The following NCS1 variants were observed in gnomAD, a reference collection of about 807,000 sequenced individuals.
NCS1 encodes the protein neuronal calcium sensor 1.
NCS1 carries 6 observed loss-of-function variants against 28.4 expected under a neutral mutation model. The ratio of observed to expected loss-of-function variants is 0.21; its 90% CI spans 0.12 to 0.42. NCS1 has a LOEUF of 0.42. Among genes scored for constraint, NCS1 ranks in the 10% least tolerant of loss-of-function variants. NCS1 has a pLI of 1.00. For missense variants in NCS1, 131 were observed against 241.4 expected (o/e 0.54, Z 3.03); for synonymous variants, 86 against 99.3 (o/e 0.87, Z 0.79).
In NCS1 at chr9:130,200,943, T is replaced by C. The variant is rs368847542; in HGVS notation, c.65-15T>C. 1.2e-6 allele frequency: 2 copies of C among 1,614,116 alleles called. No homozygotes were observed. Among genetic ancestry groups the C allele is most frequent in the African/African-American group, 1.3e-5 (1 of 74,944 alleles). On this transcript the variant is annotated splice_polypyrimidine_tract_variant and intron_variant, in intron 1 of 7. Coordinates refer to ENST00000372398, the MANE Select transcript of NCS1 (RefSeq NM_014286.4). ...TCCCTGAGCTAAAAGCCTACTTTTCTGCTTTCTCTTGCAGTTACCGAGAAG... is the reference window on the plus strand; with the variant it reads ...TCCCTGAGCTAAAAGCCTACTTTTCCGCTTTCTCTTGCAGTTACCGAGAAG...
intron 2 of NCS1, among the ~76,000 whole-genome samples, chr9:130,210,855 T>G (rs1276310283): frequency 6.6e-6 from 1 of 151,452 alleles, no homozygotes; most frequent in Non-Finnish European, 1.5e-5. Flanking sequence ...TTTTTTTTTT[T>G]TGAGACAGGG....
chr9:130,179,995 TTATCTATCTATCTATC>T (rs56120429), intron 1 of NCS1, among the ~76,000 whole-genome samples: 6,055 of 145,190 alleles, frequency 0.042, 171 homozygotes, highest in South Asian at 0.099. Context: ...TGCCTTCTTT[TTATCTATCTATCTATC>T]TATCTATCTA....
rs187102427 is a variant in NCS1 at position 130,221,806 on chromosome 9, T to C, written c.308-844T>C. On this transcript the variant is annotated intron_variant, in intron 4 of 7. Transcript: ENST00000372398. ...TAAATTATGTATATATAAATATATATACATAAATATAAATTATGTATATAT... is the reference window on the plus strand; with the variant it reads ...TAAATTATGTATATATAAATATATACACATAAATATAAATTATGTATATAT... Among the ~76,000 whole-genome samples, 1,101 of 119,852 alleles carry C rather than the reference T, an allele frequency of 9.2e-3. 24 individuals are homozygous for C. Among genetic ancestry groups the C allele is most frequent in the African/African-American group, 0.035 (1,016 of 28,694 alleles). The allele number at this position is 119,852 out of a possible 152,430, so 78.6% of individuals were successfully genotyped here.
Position 130,219,967 on chromosome 9 carries a change from G to A in NCS1, c.307+164G>A, listed in dbSNP as rs1345546552. 1.3e-5 allele frequency among the ~76,000 whole-genome samples: 2 copies of A among 152,252 alleles called. No individual in the cohort carries two copies. Among genetic ancestry groups the A allele is most frequent in the African/African-American group, 2.4e-5 (1 of 41,466 alleles). ...GAGGGCAGGCCTGGGCCCTGGGCAG[G>A]TGGCCCTCACACGGCCACGTAACTA... On this transcript the variant is annotated intron_variant, in intron 4 of 7. Transcript: ENST00000372398. The surrounding 1 kb of genome is among the most constrained non-coding windows in gnomAD (Gnocchi z 5.7).
Position 130,172,487 on chromosome 9 carries a change from C to G in NCS1, c.-177C>G, listed in dbSNP as rs1256910353. 1 of 148,268 alleles carries G rather than the reference C, an allele frequency of 6.7e-6. No individual in the cohort carries two copies. Among genetic ancestry groups the G allele is most frequent in the Non-Finnish European group, 1.5e-5 (1 of 68,728 alleles). 9.2% of individuals were successfully genotyped at this position (148,268 alleles called of 1,614,324 possible). On this transcript the variant is annotated 5_prime_UTR_variant, in exon 1 of 8. Transcript: ENST00000372398. Reference sequence around the variant, plus strand: ...CCCGCGCCGCGGCGCCCGGACCGCCCGGGCCTGCCCAGCGGCCGCCCCACG... The same window carrying G: ...CCCGCGCCGCGGCGCCCGGACCGCCGGGGCCTGCCCAGCGGCCGCCCCACG...
chr9:130,186,064 GGGA>G lies in NCS1; in HGVS notation c.64+13340_64+13342del, dbSNP rs1298543783. ...GAGGCATGGCCAGCAGGGAGCAGAG[GGGA>G]GGCCCTGGGTCCTGTGGGGGGCATG... is the stretch of plus-strand genomic sequence containing the variant. On this transcript the variant is annotated intron_variant, in intron 1 of 7. Coordinates refer to ENST00000372398, the MANE Select transcript of NCS1 (RefSeq NM_014286.4). This position sits in a 1 kb window ranked among gnomAD's most constrained non-coding sequence, Gnocchi z 4.1. Among the ~76,000 whole-genome samples the G allele has an allele frequency of 4.6e-5, 7 of 152,232 alleles. No individual in the cohort carries two copies. Among genetic ancestry groups the G allele is most frequent in the African/African-American group, 1.7e-4 (7 of 41,476 alleles).
intron 1 of NCS1, among the ~76,000 whole-genome samples, chr9:130,173,080 G>T (rs2131109195): frequency 6.6e-6 from 1 of 152,132 alleles, no homozygotes; most frequent in African/African-American, 2.4e-5. Context: ...GGGAGGGGGC[G>T]CCCGGCTGCG....
At chr9:130,225,180 A>G (rs1833394282) in intron 6 of NCS1, among the ~76,000 whole-genome samples, 1 of 152,250 alleles carries the variant, frequency 6.6e-6, no homozygotes, top group African/African-American at 2.4e-5. Context: ...TGACAGAGTG[A>G]GACCCTGTCT....
intron 6 of NCS1, among the ~76,000 whole-genome samples, chr9:130,223,461 G>A (rs182350495): frequency 1.3e-4 from 20 of 151,928 alleles, no homozygotes; most frequent in African/African-American, 3.9e-4. Flanking sequence ...GGCTTTAAGC[G>A]CATAAAATAA....
rs1308679335 is a variant in NCS1, at chr9:130,192,417, T to A, written c.65-8541T>A. On this transcript the variant is annotated intron_variant, in intron 1 of 7. Coordinates refer to ENST00000372398, the MANE Select transcript of NCS1 (RefSeq NM_014286.4). This position sits in a 1 kb window ranked among gnomAD's most constrained non-coding sequence, Gnocchi z 4.8. The stretch of plus-strand genomic sequence containing the variant: ...CACCTTCCTGTCCTCACTCCAGCCC[T>A]CTCGGGGGCTGCTCTTCCTGGACAC... Among the ~76,000 whole-genome samples, 1 of 151,858 alleles carries A rather than the reference T, an allele frequency of 6.6e-6. No homozygotes were observed. Among genetic ancestry groups the A allele is most frequent in the Non-Finnish European group, 1.5e-5 (1 of 67,938 alleles).
Position 130,177,672 on chromosome 9 carries a change from G to A in NCS1, c.64+4945G>A, listed in dbSNP as rs1451212685. On this transcript the variant is annotated intron_variant, in intron 1 of 7. Coordinates refer to ENST00000372398, the MANE Select transcript of NCS1 (RefSeq NM_014286.4). The surrounding 1 kb of genome is among the most constrained non-coding windows in gnomAD (Gnocchi z 4.4). Reference sequence around the variant, plus strand: ...TCGATCCCCTGCGGTGCGGGGCTGGGTCCTCACTCGGCCTTGGTGACCTTG... The same window carrying A: ...TCGATCCCCTGCGGTGCGGGGCTGGATCCTCACTCGGCCTTGGTGACCTTG... Among the ~76,000 whole-genome samples the A allele has an allele frequency of 6.6e-6, 1 of 152,246 alleles. No homozygotes were observed. Among genetic ancestry groups the A allele is most frequent in the Non-Finnish European group, 1.5e-5 (1 of 68,052 alleles).
At chr9:130,179,020 C>T (rs1171889505) in intron 1 of NCS1, among the ~76,000 whole-genome samples, 3 of 149,148 alleles carry the variant, frequency 2.0e-5, no homozygotes, top group Non-Finnish European at 4.5e-5. Flanking sequence ...CTGCAATCTC[C>T]ACCTCCCGGG....
chr9:130,231,700 G>T (rs571886564), intron 7 of NCS1, among the ~76,000 whole-genome samples: 2 of 152,052 alleles, frequency 1.3e-5, no homozygotes, highest in South Asian at 4.2e-4. Flanking sequence ...TGGATTTTTG[G>T]TTCTTTGGGT....
chr9:130,220,469 A>AGAGCTGGGGATGAGAG (rs577952322), intron 4 of NCS1, among the ~76,000 whole-genome samples: 10 of 152,166 alleles, frequency 6.6e-5, no homozygotes, highest in Middle Eastern at 3.4e-3. Context: ...TGGTAGGCGC[A>AGAGCTGGGGATGAGAG]GAGCTGGGGA....
At position 130,172,678 on chromosome 9, in the gene NCS1, C is replaced by G; in HGVS notation, c.15C>G (p.Asn5Lys). 2 of 1,504,156 alleles carry G rather than the reference C, an allele frequency of 1.3e-6. No individual in the cohort carries two copies. The highest frequency in any genetic ancestry group is 1.8e-6 in the Non-Finnish European group (2 of 1,120,276). 93.2% of individuals were successfully genotyped at this position (1,504,156 alleles called of 1,614,324 possible). A position where few individuals can be genotyped will look rare whatever the true frequency, so the allele number is the denominator to read the frequency against. The stretch of plus-strand genomic sequence containing the variant: ...GGCCGCCGAGGATGGGGAAATCCAA[C>G]AGCAAGTTGAAGCCCGAAGTTGTGG... Reference protein sequence around the residue: MGKSNSKLKPEVVEE... With the variant: MGKSKSKLKPEVVEE... Residue 5 changes from asparagine to lysine, a missense_variant, in exon 1 of 8, where the codon AAC (asparagine) becomes AAG (lysine). Asn to Lys is a moderately conservative substitution (Grantham distance 94). Coordinates refer to ENST00000372398, the MANE Select transcript of NCS1 (RefSeq NM_014286.4).
At chr9:130,179,381 A>G (rs1554904954) in intron 1 of NCS1, among the ~76,000 whole-genome samples, 1 of 152,194 alleles carries the variant, frequency 6.6e-6, no homozygotes, top group African/African-American at 2.4e-5. Flanking sequence ...TGGACAGAAC[A>G]TATTTTATTT....
At chr9:130,198,556 G>C (rs1316149211) in intron 1 of NCS1, among the ~76,000 whole-genome samples, 2 of 152,188 alleles carry the variant, frequency 1.3e-5, no homozygotes, top group Non-Finnish European at 2.9e-5. Flanking sequence ...TCCTGGCAAA[G>C]GGACCTCAGG....
Position 130,176,181 on chromosome 9 carries a change from TC to T in NCS1, c.64+3455del, listed in dbSNP as rs1564700770. ...TTCTTTCTTTCTTTCTTTCTTTCTT[TC>T]TTTCTTTCTTTCTTTTTTTTTTTTT... On this transcript the variant is annotated intron_variant, in intron 1 of 7. Coordinates refer to ENST00000372398, the MANE Select transcript of NCS1 (RefSeq NM_014286.4). Among the ~76,000 whole-genome samples the T allele has an allele frequency of 7.4e-5, 5 of 67,832 alleles. 1 individual carries two copies. Among genetic ancestry groups the T allele is most frequent in the African/African-American group, 5.7e-4 (4 of 7,076 alleles). The allele number at this position is 67,832 out of a possible 152,430, so 44.5% of individuals were successfully genotyped here.
At chr9:130,197,140 G>T (rs902384980) in intron 1 of NCS1, among the ~76,000 whole-genome samples, 1 of 152,190 alleles carries the variant, frequency 6.6e-6, no homozygotes, top group Non-Finnish European at 1.5e-5. Flanking sequence ...AAATTAAGGG[G>T]TACATGATAT....
Sources: gnomAD v4.1 joint callset for allele counts (sites outside exome capture counted in the v4.1 genomes callset) on GRCh38, gnomAD v4.1.1 for gene constraint, Gnocchi (gnomAD v3.1) non-coding constraint, MANE v1.5 for transcripts, NCBI Gene and HGNC (gene_info 2026-07-23, HGNC 2026-07-21) for gene names.